Variants in MCTP1 observed in about 807,000 individuals in gnomAD.
MCTP1 encodes the protein multiple C2 and transmembrane domain containing 1.
A neutral mutation model predicts 120.6 loss-of-function variants in MCTP1; 69 were observed. The observed-to-expected ratio is 0.57, with a 90% CI of 0.47 to 0.70. The LOEUF (loss-of-function observed/expected upper bound fraction) is 0.70, where lower values mean the gene tolerates loss of function less well. MCTP1 is among the 30% of genes least tolerant of loss of function. The pLI is 0.00. For synonymous variants in MCTP1, 529 were observed against 493.1 expected (o/e 1.07, Z -0.96); for missense variants, 1,203 against 1,248.8 (o/e 0.96, Z 0.55).
rs569735985 is a variant in MCTP1, at chr5:94,828,187, T to C, written c.2437-29055A>G. ...TGATGTTGATGCTATTGCTTTCTAT[T>C]TGTTAGTTTTCTTCTAACAGTCAGG... On this transcript the variant is annotated intron_variant, in intron 17 of 22. Coordinates refer to ENST00000515393, the MANE Select transcript of MCTP1 (RefSeq NM_024717.7). 8.5e-5 allele frequency among the ~76,000 whole-genome samples: 13 copies of C among 152,352 alleles called. No homozygotes were observed. In the East Asian group the frequency reaches 2.3e-3, roughly 27 times the overall value.
At chr5:94,817,977 A>G (rs1784836050) in intron 17 of MCTP1, among the ~76,000 whole-genome samples, 2 of 152,188 alleles carry the variant, frequency 1.3e-5, no homozygotes, top group South Asian at 2.1e-4. Flanking sequence ...CAAAAAGAGT[A>G]TCAGCTGCTC....
chr5:94,712,061 A>G (rs1324845934), intron 20 of MCTP1, among the ~76,000 whole-genome samples: 4 of 152,156 alleles, frequency 2.6e-5, no homozygotes, highest in Non-Finnish European at 5.9e-5. Context: ...ACTAACAAAC[A>G]TATCATGTCC....
chr5:95,242,911 C>T (rs1224336204), intron 1 of MCTP1, among the ~76,000 whole-genome samples: 3 of 152,128 alleles, frequency 2.0e-5, no homozygotes, highest in African/African-American at 7.2e-5. Context: ...TGCAATAAAC[C>T]TGTTTTTAAA....
intron 10 of MCTP1, among the ~76,000 whole-genome samples, chr5:94,897,357 C>G (rs1036174427): frequency 6.6e-6 from 1 of 150,742 alleles, no homozygotes; most frequent in African/African-American, 2.4e-5. Flanking sequence ...AGCCACCACA[C>G]CCAGCCCTGG....
chr5:94,850,349 C>T (rs1373710412), intron 17 of MCTP1, among the ~76,000 whole-genome samples: 1 of 152,126 alleles, frequency 6.6e-6, no homozygotes, highest in Non-Finnish European at 1.5e-5. Flanking sequence ...TCATCAAAGT[C>T]TGGAATTTAT....
At chr5:95,267,941 C>T (rs1431259617) in intron 1 of MCTP1, among the ~76,000 whole-genome samples, 1 of 152,232 alleles carries the variant, frequency 6.6e-6, no homozygotes, top group Non-Finnish European at 1.5e-5. Flanking sequence ...AACTGTCTGC[C>T]ACATCCCTGC....
At chr5:94,829,015 A>AAC (rs1491183609) in intron 17 of MCTP1, among the ~76,000 whole-genome samples, 1 of 20,676 alleles carries the variant, frequency 4.8e-5, no homozygotes, top group African/African-American at 1.2e-4. Context: ...CAACAACAAC[A>AAC]AAAAAAAAAC....
At chr5:95,079,944 T>A (rs1270573819) in intron 1 of MCTP1, among the ~76,000 whole-genome samples, 1 of 152,144 alleles carries the variant, frequency 6.6e-6, no homozygotes, top group African/African-American at 2.4e-5. Flanking sequence ...TGAAAAGTCA[T>A]CTTTTTTCTC....
intron 2 of MCTP1, among the ~76,000 whole-genome samples, chr5:94,975,859 C>T (rs1196614224): frequency 6.6e-6 from 1 of 152,076 alleles, no homozygotes; most frequent in Non-Finnish European, 1.5e-5. Context: ...CTTTTTCTTA[C>T]ACTCCCAAAC....
At chr5:95,084,405 C>T (rs901847938) in intron 1 of MCTP1, among the ~76,000 whole-genome samples, 12 of 151,928 alleles carry the variant, frequency 7.9e-5, no homozygotes, top group Non-Finnish European at 1.2e-4. Flanking sequence ...ATGAATACTC[C>T]AGTTTTTCAG....
intron 1 of MCTP1, among the ~76,000 whole-genome samples, chr5:95,172,347 G>T (rs1747422585): frequency 6.6e-6 from 1 of 152,206 alleles, no homozygotes; most frequent in African/African-American, 2.4e-5. Context: ...TAGGCTACTT[G>T]TGGGTCAGGG....
intron 1 of MCTP1, among the ~76,000 whole-genome samples, chr5:95,231,677 G>T (rs1180696812): frequency 6.6e-6 from 1 of 152,090 alleles, no homozygotes; most frequent in Non-Finnish European, 1.5e-5. Flanking sequence ...TACCAGAAAT[G>T]ATAACTATAC....
intron 18 of MCTP1, among the ~76,000 whole-genome samples, chr5:94,798,580 A>G (rs1487152073): frequency 6.6e-6 from 1 of 152,186 alleles, no homozygotes; most frequent in Non-Finnish European, 1.5e-5. Context: ...GTCAACAACC[A>G]TCAATCCTTC....
chr5:95,017,524 C>A, intron 1 of MCTP1, 40 bp from the exon 2 acceptor site: 3 of 1,225,872 alleles, frequency 2.4e-6, no homozygotes, highest in Non-Finnish European at 3.4e-6. Context: ...AATTTATTAT[C>A]TCTGTTCTAT....
At chr5:94,734,580 C>T (rs1354460229) in intron 19 of MCTP1, among the ~76,000 whole-genome samples, 2 of 152,016 alleles carry the variant, frequency 1.3e-5, no homozygotes, top group Non-Finnish European at 2.9e-5. Flanking sequence ...ACTTCAGCCT[C>T]CCAAGTAGCT....
At chr5:94,742,691 T>C (rs139575994) in intron 19 of MCTP1, among the ~76,000 whole-genome samples, 1 of 152,244 alleles carries the variant, frequency 6.6e-6, no homozygotes, top group East Asian at 1.9e-4. Context: ...GGATTAACAT[T>C]ACATTTTTAA....
At chr5:94,878,996 T>C (rs555762905) in intron 12 of MCTP1, among the ~76,000 whole-genome samples, 1 of 151,794 alleles carries the variant, frequency 6.6e-6, no homozygotes, top group East Asian at 1.9e-4. Context: ...AGTAGAAAAG[T>C]GGAGAAAAGT....
intron 1 of MCTP1, among the ~76,000 whole-genome samples, chr5:95,131,721 CTGTT>C (rs1483506101): frequency 1.3e-5 from 2 of 152,106 alleles, no homozygotes; most frequent in Admixed American, 6.5e-5. Context: ...GGATCTCTGT[CTGTT>C]TTATTCCTTG....
At chr5:94,853,850 G>T (rs1332317055) in intron 17 of MCTP1, among the ~76,000 whole-genome samples, 1 of 151,836 alleles carries the variant, frequency 6.6e-6, no homozygotes, top group East Asian at 1.9e-4. Flanking sequence ...TTTAGGGGTG[G>T]CCTTATTCCC....
Sources: allele counts gnomAD v4.1 joint callset (sites outside exome capture counted in the v4.1 genomes callset), GRCh38; gene constraint gnomAD v4.1.1; transcripts MANE v1.5; gene names NCBI Gene and HGNC (gene_info 2026-07-23, HGNC 2026-07-21).